The following SSH2 variants were observed in gnomAD, a reference collection of about 807,000 sequenced individuals.
SSH2 encodes slingshot protein phosphatase 2.
Under a neutral mutation model 135.2 loss-of-function variants are expected in SSH2, and 37 were observed. The observed-to-expected ratio is 0.27, with a 90% CI of 0.21 to 0.36. The LOEUF is 0.36. Ranked by LOEUF, SSH2 falls within the 10% of genes least tolerant of loss-of-function variation. SSH2 has a pLI of 1.00. For synonymous variants in SSH2, 628 were observed against 646.2 expected (o/e 0.97, Z 0.43); for missense variants, 1,408 against 1,765.3 (o/e 0.80, Z 3.63).
intron 2 of SSH2, among the ~76,000 whole-genome samples, chr17:29,826,457 T>C (rs879448358): frequency 6.6e-6 from 1 of 152,212 alleles, no homozygotes; most frequent in Non-Finnish European, 1.5e-5. Context: ...TATTGTATTA[T>C]ACAAGATGCT....
intron 1 of SSH2, among the ~76,000 whole-genome samples, chr17:29,910,000 C>T (rs2066736605): frequency 6.6e-6 from 1 of 152,214 alleles, no homozygotes; most frequent in Non-Finnish European, 1.5e-5. Context: ...GGGTGGAGTG[C>T]ACTGGCATGA....
chr17:29,690,553 C>T (rs1451748804), intron 5 of SSH2, among the ~76,000 whole-genome samples: 1 of 151,974 alleles, frequency 6.6e-6, no homozygotes, highest in Non-Finnish European at 1.5e-5. Context: ...ACAGGCAGTT[C>T]ACCCAATCCA....
At position 29,627,746 on chromosome 17, in the gene SSH2, C is replaced by T. The variant is rs867049127; in HGVS notation, c.*3095G>A. Reference sequence around the variant, plus strand: ...TACAGTATCCATTAGTCCTGGGTGTCTCCAAAAATCAAGAAAGGGTTGGGG... The same window carrying T: ...TACAGTATCCATTAGTCCTGGGTGTTTCCAAAAATCAAGAAAGGGTTGGGG... On this transcript the variant is annotated 3_prime_UTR_variant, in exon 16 of 16. Coordinates refer to ENST00000540801, the MANE Select transcript of SSH2 (RefSeq NM_001282129.2). 1 of 152,622 alleles carries T rather than the reference C, an allele frequency of 6.6e-6. No individual in the cohort carries two copies. The highest frequency in any genetic ancestry group is 6.5e-5 in the Admixed American group (1 of 15,280). 9.5% of individuals were successfully genotyped at this position (152,622 alleles called of 1,614,324 possible). A position where few individuals can be genotyped will look rare whatever the true frequency, so the allele number is the denominator to read the frequency against.
At chr17:29,741,029 T>C (rs894208143) in intron 3 of SSH2, among the ~76,000 whole-genome samples, 2 of 152,216 alleles carry the variant, frequency 1.3e-5, no homozygotes, top group Non-Finnish European at 2.9e-5. Context: ...TGATGTACTA[T>C]TATTTCATCT....
intron 3 of SSH2, among the ~76,000 whole-genome samples, chr17:29,791,460 A>G (rs1331076535): frequency 6.6e-6 from 1 of 152,184 alleles, no homozygotes; most frequent in African/African-American, 2.4e-5. Context: ...TATGCTGTTT[A>G]CTATTTAATT....
chr17:29,829,254 T>C (rs761860224), intron 2 of SSH2, among the ~76,000 whole-genome samples: 4 of 152,206 alleles, frequency 2.6e-5, no homozygotes, highest in Admixed American at 6.5e-5. Context: ...CCCTCCAAGG[T>C]AGGTATACTA....
chr17:29,910,135 G>T (rs548234930), intron 1 of SSH2, among the ~76,000 whole-genome samples: 3 of 151,980 alleles, frequency 2.0e-5, no homozygotes, highest in African/African-American at 7.3e-5. Context: ...TTGTAGAGAC[G>T]AAGTCTTGCT....
chr17:29,685,870 CAG>C (rs1318261030), intron 5 of SSH2, among the ~76,000 whole-genome samples: 1 of 146,004 alleles, frequency 6.8e-6, no homozygotes, highest in African/African-American at 2.5e-5. Context: ...TTTTTTGAGA[CAG>C]AGTTTCGCTC....
chr17:29,913,880 C>G (rs980379916), intron 1 of SSH2, among the ~76,000 whole-genome samples: 2 of 151,902 alleles, frequency 1.3e-5, no homozygotes. Context: ...GTGATCCGCC[C>G]GCCTCAGCCT....
intron 2 of SSH2, among the ~76,000 whole-genome samples, chr17:29,807,726 G>A (rs2042370418): frequency 6.6e-6 from 1 of 151,842 alleles, no homozygotes. Context: ...AAGGTAGGCT[G>A]CAAAGATAAG....
intron 14 of SSH2, among the ~76,000 whole-genome samples, chr17:29,637,934 T>C (rs905035946): frequency 6.6e-5 from 10 of 151,810 alleles, no homozygotes; most frequent in Non-Finnish European, 2.9e-5. Flanking sequence ...GCCAACATGG[T>C]GAAACCCCGT....
intron 3 of SSH2, among the ~76,000 whole-genome samples, chr17:29,757,044 G>A (rs969259769): frequency 5.9e-5 from 9 of 152,162 alleles, no homozygotes; most frequent in African/African-American, 2.2e-4. Flanking sequence ...CAGCAGTGAC[G>A]AGAGAACCAC....
intron 3 of SSH2, among the ~76,000 whole-genome samples, chr17:29,721,768 G>GTC (rs1440395621): frequency 2.0e-5 from 3 of 152,134 alleles, no homozygotes; most frequent in African/African-American, 7.2e-5. Flanking sequence ...GCATGGATGT[G>GTC]TCCTTATTCA....
At chr17:29,764,935 T>C (rs2729448) in intron 3 of SSH2, among the ~76,000 whole-genome samples, 67,425 of 152,042 alleles carry the variant, frequency 0.44, 15,319 homozygotes, top group Non-Finnish European at 0.49. Context: ...TGTGCTGAAA[T>C]GCGAATGAAG....
In SSH2 at chr17:29,807,832, C is replaced by CTTT. The variant is rs58284055; in HGVS notation, c.145-13898_145-13896dup. On this transcript the variant is annotated intron_variant, in intron 2 of 15. Transcript: ENST00000540801. Reference sequence around the variant, plus strand: ...AATTATAAATATGTTGTTTTGATGGCTTTTTTTTTTTTTTTTTTTTTTTAG... The same window carrying CTTT: ...AATTATAAATATGTTGTTTTGATGGCTTTTTTTTTTTTTTTTTTTTTTTTTTAG... 9.7e-4 allele frequency among the ~76,000 whole-genome samples: 92 copies of CTTT among 94,362 alleles called. 3 individuals carry two copies. Among genetic ancestry groups the CTTT allele is most frequent in the African/African-American group, 2.2e-3 (54 of 24,528 alleles). 61.9% of individuals were successfully genotyped at this position (94,362 alleles called of 152,430 possible). A position where few individuals can be genotyped will look rare whatever the true frequency, so the allele number is the denominator to read the frequency against.
At chr17:29,758,724 T>C (rs74724356) in intron 3 of SSH2, among the ~76,000 whole-genome samples, 1 of 152,186 alleles carries the variant, frequency 6.6e-6, no homozygotes, top group Non-Finnish European at 1.5e-5. Flanking sequence ...AAAAAGCTTA[T>C]AATCCCTGTC....
intron 2 of SSH2, among the ~76,000 whole-genome samples, chr17:29,806,875 C>T (rs1490126765): frequency 2.6e-5 from 4 of 152,166 alleles, no homozygotes; most frequent in East Asian, 1.9e-4. Flanking sequence ...TTTTCTTATT[C>T]GTCTGTCCTA....
At chr17:29,833,771 TTCCC>T (rs1174254703) in intron 2 of SSH2, among the ~76,000 whole-genome samples, 23 of 69,930 alleles carry the variant, frequency 3.3e-4, no homozygotes, top group African/African-American at 1.3e-3. Flanking sequence ...CCCTTTCTCC[TTCCC>T]TCCCTCCCTC....
At chr17:29,635,063 C>T (rs938739010) in intron 15 of SSH2, among the ~76,000 whole-genome samples, 1 of 151,694 alleles carries the variant, frequency 6.6e-6, no homozygotes, top group Admixed American at 6.6e-5. Flanking sequence ...CCACCACACC[C>T]CAGCTAATTT....
Sources: gnomAD v4.1 joint callset for allele counts (sites outside exome capture counted in the v4.1 genomes callset) on GRCh38, gnomAD v4.1.1 for gene constraint, MANE v1.5 for transcripts, NCBI Gene and HGNC (gene_info 2026-07-23, HGNC 2026-07-21) for gene names.